Variants in DPP10 observed in about 807,000 individuals in gnomAD.
DPP10 encodes dipeptidyl peptidase like 10, also known as inactive dipeptidyl peptidase 10.
Under a neutral mutation model 120.9 loss-of-function variants are expected in DPP10, and 33 were observed. The ratio of observed to expected loss-of-function variants is 0.27; its 90% CI spans 0.21 to 0.37. DPP10 has a LOEUF of 0.37. DPP10 is among the 10% of genes least tolerant of loss of function. DPP10 has a pLI of 1.00. For synonymous variants in DPP10, 337 were observed against 326.1 expected, an observed-to-expected ratio of 1.03 and a Z score of -0.36; for missense variants, 816 against 942.8, an observed-to-expected ratio of 0.87 and a Z score of 1.76.
At chr2:115,722,361 G>A (rs1235447152) in intron 7 of DPP10, among the ~76,000 whole-genome samples, 1 of 151,376 alleles carries the variant, frequency 6.6e-6, no homozygotes, top group Non-Finnish European at 1.5e-5. Flanking sequence ...ATATTAAAAG[G>A]CAAACACAGA....
At chr2:115,509,581 A>C (rs1661372201) in intron 4 of DPP10, among the ~76,000 whole-genome samples, 1 of 152,130 alleles carries the variant, frequency 6.6e-6, no homozygotes, top group African/African-American at 2.4e-5. Flanking sequence ...AGTTAAAAAT[A>C]GTCTCCACTC....
At chr2:115,361,638 T>C (rs1005551796) in intron 3 of DPP10, among the ~76,000 whole-genome samples, 1 of 152,126 alleles carries the variant, frequency 6.6e-6, no homozygotes, top group Non-Finnish European at 1.5e-5. Flanking sequence ...ACAGGATCTC[T>C]CATAGCTAGG....
At chr2:115,565,878 C>T (rs748433556) in intron 5 of DPP10, among the ~76,000 whole-genome samples, 24 of 151,274 alleles carry the variant, frequency 1.6e-4, no homozygotes, top group Non-Finnish European at 2.8e-4. Context: ...CTCCGCCTCC[C>T]GGGTTCAAGT....
chr2:115,012,260 C>T (rs1702317846), intron 1 of DPP10, among the ~76,000 whole-genome samples: 1 of 152,100 alleles, frequency 6.6e-6, no homozygotes, highest in Non-Finnish European at 1.5e-5. Flanking sequence ...GCCCTGTCTA[C>T]CACCTGAGGA....
At chr2:115,682,478 A>T (rs1228486302) in intron 5 of DPP10, among the ~76,000 whole-genome samples, 1 of 151,892 alleles carries the variant, frequency 6.6e-6, no homozygotes, top group Non-Finnish European at 1.5e-5. Context: ...CGTCGCAGGA[A>T]CTCTAAGAGC....
At chr2:114,705,546 G>A (rs889206849) in intron 1 of DPP10, among the ~76,000 whole-genome samples, 1 of 151,952 alleles carries the variant, frequency 6.6e-6, no homozygotes, top group Non-Finnish European at 1.5e-5. Context: ...GTGTCTATTA[G>A]TTGCCAAAAG....
At chr2:114,928,135 G>A (rs1444775762) in intron 1 of DPP10, among the ~76,000 whole-genome samples, 1 of 152,134 alleles carries the variant, frequency 6.6e-6, no homozygotes, top group Non-Finnish European at 1.5e-5. Context: ...CCTTCCAAAT[G>A]TCCTTCTCAC....
chr2:114,994,368 A>ATAC (rs1558965838), intron 1 of DPP10, among the ~76,000 whole-genome samples: 8 of 151,990 alleles, frequency 5.3e-5, no homozygotes, highest in Non-Finnish European at 7.4e-5. Context: ...TAGATAGATA[A>ATAC]ATTTTATTTA....
chr2:115,286,734 G>A lies in DPP10; in HGVS notation c.61-22505G>A, dbSNP rs375634167. Among the ~76,000 whole-genome samples the A allele has an allele frequency of 2.1e-3, 323 of 150,738 alleles. 2 individuals carry two copies. Among genetic ancestry groups the A allele is most frequent in the African/African-American group, 7.4e-3 (305 of 41,168 alleles). On this transcript the variant is annotated intron_variant, in intron 1 of 25. Transcript: ENST00000410059. ...TGTTATATCTTTCCTTATTGAAATT[G>A]CTCATTAGTTTGAATCCTTCCACTG...
chr2:114,617,126 A>C (rs903565932), intron 1 of DPP10, among the ~76,000 whole-genome samples: 2 of 152,118 alleles, frequency 1.3e-5, no homozygotes, highest in Admixed American at 6.6e-5. Context: ...AAAAAGTGAC[A>C]AAGGAGTGGA....
chr2:114,826,510 T>C (rs1686548173), intron 1 of DPP10, among the ~76,000 whole-genome samples: 1 of 152,148 alleles, frequency 6.6e-6, no homozygotes, highest in African/African-American at 2.4e-5. Context: ...CTTTTGGAAT[T>C]AAAGTTGCAA....
chr2:115,127,690 T>C (rs1304003339), intron 1 of DPP10, among the ~76,000 whole-genome samples: 2 of 152,226 alleles, frequency 1.3e-5, no homozygotes, highest in African/African-American at 4.8e-5. Flanking sequence ...GTTGTCTGTG[T>C]GAAAGACTAC....
intron 1 of DPP10, among the ~76,000 whole-genome samples, chr2:114,790,802 G>C (rs538061608): frequency 1.3e-4 from 20 of 152,298 alleles, no homozygotes; most frequent in Admixed American, 1.1e-3. Flanking sequence ...AATGTCATCA[G>C]TTAAGGTGGG....
intron 21 of DPP10, among the ~76,000 whole-genome samples, chr2:115,827,414 G>C (rs7600003): frequency 1.3e-5 from 1 of 75,452 alleles, no homozygotes; most frequent in African/African-American, 4.8e-5. Context: ...ATGTGTGTGT[G>C]TATATATATA....
intron 1 of DPP10, among the ~76,000 whole-genome samples, chr2:114,528,810 C>T (rs1488345188): frequency 6.6e-6 from 1 of 151,846 alleles, no homozygotes; most frequent in Non-Finnish European, 1.5e-5. Flanking sequence ...AGGAGAAATC[C>T]TTGCAGCTCC....
intron 5 of DPP10, among the ~76,000 whole-genome samples, chr2:115,610,826 A>G (rs183192056): frequency 2.0e-4 from 30 of 152,258 alleles, no homozygotes; most frequent in African/African-American, 7.0e-4. Flanking sequence ...GGCTTTTTGT[A>G]TTATTATTTT....
intron 1 of DPP10, among the ~76,000 whole-genome samples, chr2:114,935,912 CA>C (rs1271659791): frequency 2.6e-5 from 4 of 151,742 alleles, no homozygotes; most frequent in African/African-American, 9.7e-5. Flanking sequence ...TCAAAATCTC[CA>C]AAGGTGAGGT....
chr2:115,091,971 C>G (rs1709303712), intron 1 of DPP10, among the ~76,000 whole-genome samples: 1 of 152,212 alleles, frequency 6.6e-6, no homozygotes, highest in Non-Finnish European at 1.5e-5. Context: ...GATACTATTA[C>G]TACTAATAAC....
intron 1 of DPP10, among the ~76,000 whole-genome samples, chr2:114,842,354 G>A (rs1688226190): frequency 6.6e-6 from 1 of 152,094 alleles, no homozygotes; most frequent in African/African-American, 2.4e-5. Context: ...AACCACAGGA[G>A]GAATATGCTG....
Sources: gnomAD v4.1 joint callset for allele counts (sites outside exome capture counted in the v4.1 genomes callset) on GRCh38, gnomAD v4.1.1 for gene constraint, MANE v1.5 for transcripts, NCBI Gene and HGNC (gene_info 2026-07-23, HGNC 2026-07-21) for gene names.